Variants in FBXO34 observed in about 807,000 individuals in gnomAD.
FBXO34 encodes the protein F-box protein 34.
Under a neutral mutation model 24.5 loss-of-function variants are expected in FBXO34, and 12 were observed. The ratio of observed to expected loss-of-function variants is 0.49; its 90% confidence interval spans 0.31 to 0.79. The LOEUF (loss-of-function observed/expected upper bound fraction) is 0.79, where lower values mean the gene tolerates loss of function less well. Ranked by LOEUF, FBXO34 falls within the 30% of genes least tolerant of loss-of-function variation. FBXO34 has a pLI of 0.04. For missense variants in FBXO34, 823 were observed against 857.7 expected (o/e 0.96, Z 0.51); for synonymous variants, 320 against 311.9 (o/e 1.03, Z -0.27).
intron 1 of FBXO34, among the ~76,000 whole-genome samples, chr14:55,289,316 A>G (rs1351423761): frequency 6.6e-6 from 1 of 152,112 alleles, no homozygotes; most frequent in African/African-American, 2.4e-5. Flanking sequence ...ATATACCAAA[A>G]TTTCAAAAAA....
chr14:55,287,962 A>G (rs374481917), intron 1 of FBXO34, among the ~76,000 whole-genome samples: 1 of 152,208 alleles, frequency 6.6e-6, no homozygotes, highest in African/African-American at 2.4e-5. Context: ...GTGACCTGTC[A>G]CATGAGGTTG....
chr14:55,287,916 A>G (rs974268508), intron 1 of FBXO34, among the ~76,000 whole-genome samples: 4 of 152,284 alleles, frequency 2.6e-5, no homozygotes, highest in African/African-American at 7.2e-5. Flanking sequence ...TGTGTTAACA[A>G]TGTCATCTTC....
intron 1 of FBXO34, chr14:55,282,651 G>C (rs1178912271): frequency 6.5e-6 from 1 of 152,732 alleles, no homozygotes; most frequent in Non-Finnish European, 1.5e-5. Context: ...CATTCTGAGT[G>C]ACTGTAGACA....
the FBXO34 span, chr14:55,440,470 G>C: frequency 3.1e-6 from 5 of 1,611,866 alleles, no homozygotes; most frequent in East Asian, 4.5e-5. Context: ...CCCACTGTTG[G>C]GGGTGGGGGC....
chr14:55,407,065 A>G, the FBXO34 span, among the ~76,000 whole-genome samples: 1 of 151,706 alleles, frequency 6.6e-6, no homozygotes, highest in Non-Finnish European at 1.5e-5. Context: ...AGGTTCAAGC[A>G]ATTCTCGTGC....
the FBXO34 span, among the ~76,000 whole-genome samples, chr14:55,427,947 C>T: frequency 7.6e-6 from 1 of 132,266 alleles, no homozygotes; most frequent in Admixed American, 8.1e-5. Context: ...GGCGCGATCT[C>T]TCACTGCAAG....
the FBXO34 span, among the ~76,000 whole-genome samples, chr14:55,433,307 CTCTTT>C: frequency 0.013 from 1,300 of 103,884 alleles, 15 homozygotes; most frequent in African/African-American, 0.051. Context: ...TTTTAGATTT[CTCTTT>C]TTTTTTTTTT....
intron 1 of FBXO34, among the ~76,000 whole-genome samples, chr14:55,292,893 T>G (rs1881988829): frequency 6.6e-6 from 1 of 151,800 alleles, no homozygotes; most frequent in Non-Finnish European, 1.5e-5. Context: ...CTTTTCTCCT[T>G]TTTTTTTGAA....
chr14:55,439,014 T>C, the FBXO34 span: 73,882 of 149,190 alleles, frequency 0.5, 18,462 homozygotes, highest in East Asian at 0.6. Flanking sequence ...CTCGGCTCAC[T>C]GCAACCTCTT....
the FBXO34 span, among the ~76,000 whole-genome samples, chr14:55,410,556 G>T: frequency 5.3e-5 from 8 of 152,180 alleles, no homozygotes; most frequent in South Asian, 2.1e-4. Flanking sequence ...AGAAAGGAAA[G>T]AACTCCATCC....
rs114711450 is a variant in FBXO34, at chr14:55,334,765, T to C, written c.-10-15616T>C. Among the ~76,000 whole-genome samples, 235 of 152,290 alleles carry C rather than the reference T, an allele frequency of 1.5e-3. 1 individual carries two copies. Among genetic ancestry groups the C allele is most frequent in the Middle Eastern group, 6.8e-3 (2 of 294 alleles). On this transcript the variant is annotated intron_variant, in intron 1 of 1. Coordinates refer to ENST00000313833, the MANE Select transcript of FBXO34 (RefSeq NM_017943.4). The stretch of plus-strand genomic sequence containing the variant: ...CCCAAAATCCTACCAAAATCACTTA[T>C]GTATGTGCTTTGGTATTTTTGGGTG...
the FBXO34 span, among the ~76,000 whole-genome samples, chr14:55,405,913 C>CAGATGTGAA: frequency 6.7e-6 from 1 of 150,312 alleles, no homozygotes; most frequent in Non-Finnish European, 1.5e-5. Context: ...GAAGAAAAGG[C>CAGATGTGAA]AGATGTGAAA....
At chr14:55,413,593 C>T in the FBXO34 span, 2 of 442,040 alleles carry the variant, frequency 4.5e-6, no homozygotes, top group South Asian at 2.0e-5. Flanking sequence ...TTCCAGCAGC[C>T]CAGGCTCCCT....
rs184728174 is a variant in FBXO34 at position 55,360,229 on chromosome 14, T to C, written c.*589-1504T>C. The stretch of plus-strand genomic sequence containing the variant: ...CTGGGACTACAGGTGCGCACCACCA[T>C]GCCTGGCTAATTTTTGTATTTTTAG... On this transcript the variant is annotated intron_variant and NMD_transcript_variant, in intron 3 of 3. Coordinates refer to the FBXO34 transcript ENST00000555280. Among the ~76,000 whole-genome samples, 652 of 152,118 alleles carry C rather than the reference T, an allele frequency of 4.3e-3. 24 individuals carry two copies. In the South Asian group the frequency reaches 0.064, roughly 15 times the overall value.
chr14:55,413,644 G>T, the FBXO34 span: 1 of 405,960 alleles, frequency 2.5e-6, no homozygotes, highest in South Asian at 2.2e-5. Flanking sequence ...GCAGGCTGGC[G>T]CTTCAGTTGA....
intron 1 of FBXO34, among the ~76,000 whole-genome samples, chr14:55,339,222 C>A (rs1883901724): frequency 6.6e-6 from 1 of 152,172 alleles, no homozygotes; most frequent in Non-Finnish European, 1.5e-5. Flanking sequence ...TACACATTTA[C>A]AATATTGGTT....
intron 1 of FBXO34, among the ~76,000 whole-genome samples, chr14:55,330,356 G>C (rs1883492019): frequency 6.6e-6 from 1 of 152,018 alleles, no homozygotes; most frequent in Non-Finnish European, 1.5e-5. Context: ...GTTTCTCTCT[G>C]TTACCCTGAT....
At chr14:55,400,542 C>T in the FBXO34 span, among the ~76,000 whole-genome samples, 125 of 152,236 alleles carry the variant, frequency 8.2e-4, no homozygotes, top group Middle Eastern at 0.014. Context: ...TGATCAGTAA[C>T]GATACAAGTG....
chr14:55,441,214 C>T, the FBXO34 span, among the ~76,000 whole-genome samples: 1 of 151,702 alleles, frequency 6.6e-6, no homozygotes, highest in Admixed American at 6.6e-5. Context: ...TGACAGGCGA[C>T]CATAGCTCAC....
Sources: gnomAD v4.1 joint callset for allele counts (sites outside exome capture counted in the v4.1 genomes callset) on GRCh38, gnomAD v4.1.1 for gene constraint, MANE v1.5 for transcripts, NCBI Gene and HGNC (gene_info 2026-07-23, HGNC 2026-07-21) for gene names.